The following DPP6 variants were observed in gnomAD, a reference collection of about 807,000 sequenced individuals.
DPP6 encodes the protein dipeptidyl peptidase like 6.
DPP6 carries 69 observed loss-of-function variants against 122.6 expected under a neutral mutation model. The ratio of observed to expected loss-of-function variants is 0.56; its 90% CI spans 0.46 to 0.69. DPP6 has a LOEUF of 0.69. Ranked by LOEUF, DPP6 falls within the 30% of genes least tolerant of loss-of-function variation. The pLI is 0.00. For missense variants in DPP6, 928 were observed against 1,116.9 expected (o/e 0.83, Z 2.41); for synonymous variants, 418 against 433.1 (o/e 0.97, Z 0.43).
chr7:154,887,547 C>G (rs1468322218), intron 22 of DPP6, 129 bp from the exon 23 acceptor site: 1 of 876,408 alleles, frequency 1.1e-6, no homozygotes, highest in Non-Finnish European at 1.9e-6. Flanking sequence ...ATCTGCCACA[C>G]AAGTGGCAAG....
At chr7:154,545,488 C>CT (rs1195528281) in intron 4 of DPP6, among the ~76,000 whole-genome samples, 1 of 139,522 alleles carries the variant, frequency 7.2e-6, no homozygotes, top group Non-Finnish European at 1.6e-5. Context: ...TCCTTCCTTC[C>CT]TTCCTTCCAT....
At chr7:153,784,186 A>G in the DPP6 span, among the ~76,000 whole-genome samples, 3 of 152,362 alleles carry the variant, frequency 2.0e-5, no homozygotes, top group South Asian at 6.2e-4. Flanking sequence ...ATCAACAAAC[A>G]TAATAAATGT....
chr7:154,516,380 G>T lies in DPP6; in HGVS notation c.458-24152G>T, dbSNP rs999357333. ...ACCATGCTTAGCCACGCAGGAAGGC[G>T]CTGAGGAACCGTGCTACTGAAAGGA... On this transcript the variant is annotated intron_variant, in intron 3 of 25. Transcript: ENST00000377770. Among the ~76,000 whole-genome samples, 13 of 152,258 alleles carry T rather than the reference G, an allele frequency of 8.5e-5. 1 individual carries two copies. The South Asian group carries it at 1.5e-3, about 17-fold the overall frequency.
chr7:154,526,156 G>A (rs1048813174), intron 3 of DPP6, among the ~76,000 whole-genome samples: 1 of 152,142 alleles, frequency 6.6e-6, no homozygotes, highest in Non-Finnish European at 1.5e-5. Context: ...TGACATTTGG[G>A]TTATGCTGGA....
In DPP6 at chr7:154,760,157, C is replaced by T. The variant is rs780452109; in HGVS notation, c.884-9260C>T. On this transcript the variant is annotated intron_variant, in intron 8 of 25. Coordinates refer to ENST00000377770, the MANE Select transcript of DPP6 (RefSeq NM_130797.4). The surrounding 1 kb of genome is among the most constrained non-coding windows in gnomAD (Gnocchi z 4.5). ...AAAAGTCTATTCCCAAGGAGACAGG[C>T]ATCCAGCTCAACTCTGCCTCCCTGT... Among the ~76,000 whole-genome samples the T allele has an allele frequency of 4.3e-4, 66 of 152,132 alleles. No individual in the cohort carries two copies. The highest frequency in any genetic ancestry group is 7.8e-4 in the Non-Finnish European group (53 of 68,020).
intron 6 of DPP6, among the ~76,000 whole-genome samples, chr7:154,646,499 C>A (rs1251717162): frequency 1.3e-5 from 2 of 152,174 alleles, no homozygotes; most frequent in Non-Finnish European, 2.9e-5. Context: ...CTTCAAGCCA[C>A]AGCGTCAAAA....
At chr7:154,253,208 A>T (rs1188763310) in intron 1 of DPP6, among the ~76,000 whole-genome samples, 1 of 151,808 alleles carries the variant, frequency 6.6e-6, no homozygotes, top group East Asian at 2.0e-4. Context: ...GTTGACTGTG[A>T]AAAGAAAAGA....
intron 8 of DPP6, among the ~76,000 whole-genome samples, chr7:154,758,738 T>TTTTGTTTG (rs10680805): frequency 7.2e-5 from 11 of 151,968 alleles, no homozygotes; most frequent in African/African-American, 1.4e-4. Flanking sequence ...AACTGCAGGT[T>TTTTGTTTG]TTTGTTTGTT....
chr7:153,857,812 A>C, the DPP6 span, among the ~76,000 whole-genome samples: 1 of 152,234 alleles, frequency 6.6e-6, no homozygotes, highest in Non-Finnish European at 1.5e-5. Context: ...GCATAGTGCT[A>C]AAACCTCTTT....
intron 1 of DPP6, chr7:153,887,862 C>A: frequency 9.5e-7 from 1 of 1,050,398 alleles, no homozygotes; most frequent in African/African-American, 1.6e-5. Context: ...CCGCGCGCGG[C>A]GGCGCTTCTC....
At chr7:154,060,252 CGG>C (rs1801527165) in intron 1 of DPP6, among the ~76,000 whole-genome samples, 1 of 100,228 alleles carries the variant, frequency 1.0e-5, no homozygotes, top group Non-Finnish European at 2.0e-5. Context: ...TCGCTGGGGG[CGG>C]AGGCACCCCC....
rs1193862481 is a variant in DPP6 at position 153,918,462 on chromosome 7, ACACACTCT to A, written c.51+30730_51+30737del. Reference sequence around the variant, plus strand: ...CACACACACACACACACACACACACACACACTCTCTCTCTCTCTCTCTCTCTCTTTTTC... The same window carrying A: ...CACACACACACACACACACACACACACTCTCTCTCTCTCTCTCTCTTTTTC... On this transcript the variant is annotated intron_variant, in intron 1 of 25. Transcript: ENST00000404039. Among the ~76,000 whole-genome samples the A allele has an allele frequency of 9.5e-3, 764 of 80,210 alleles. 13 individuals carry two copies. The highest frequency in any genetic ancestry group is 0.027 in the African/African-American group (581 of 21,564). 52.6% of individuals were successfully genotyped at this position (80,210 alleles called of 152,430 possible).
intron 1 of DPP6, among the ~76,000 whole-genome samples, chr7:154,185,892 CA>C (rs1314796433): frequency 1.3e-5 from 2 of 152,132 alleles, no homozygotes; most frequent in African/African-American, 2.4e-5. Context: ...AATGCCTTTC[CA>C]AATTAAAGCA....
intron 1 of DPP6, among the ~76,000 whole-genome samples, chr7:154,272,745 A>G (rs572849832): frequency 5.9e-5 from 9 of 152,270 alleles, no homozygotes; most frequent in Admixed American, 4.6e-4. Flanking sequence ...GAGGAGGTGG[A>G]GACATGGTCA....
chr7:153,838,244 T>G, the DPP6 span, among the ~76,000 whole-genome samples: 621 of 152,218 alleles, frequency 4.1e-3, 2 homozygotes, highest in Non-Finnish European at 6.2e-3. Context: ...AGCAGTTGAC[T>G]GTTGAGTCAA....
At chr7:154,158,480 TCTC>T (rs974604452) in intron 1 of DPP6, among the ~76,000 whole-genome samples, 3 of 146,404 alleles carry the variant, frequency 2.0e-5, no homozygotes, top group Non-Finnish European at 4.5e-5. Context: ...AAAAAAAAAA[TCTC>T]CTAAATTTCT....
chr7:154,869,209 C>T (rs1433241438), intron 18 of DPP6, among the ~76,000 whole-genome samples: 1 of 152,186 alleles, frequency 6.6e-6, no homozygotes, highest in African/African-American at 2.4e-5. Context: ...TTCCCTGACA[C>T]GAGACAGCAG....
At chr7:153,928,375 C>T (rs1291875907) in intron 1 of DPP6, among the ~76,000 whole-genome samples, 1 of 97,674 alleles carries the variant, frequency 1.0e-5, no homozygotes, top group Non-Finnish European at 2.2e-5. Flanking sequence ...CCATACCTGG[C>T]TAATTTTTTT....
intron 1 of DPP6, among the ~76,000 whole-genome samples, chr7:154,394,258 T>G (rs1814881367): frequency 6.6e-6 from 1 of 152,052 alleles, no homozygotes; most frequent in Admixed American, 6.5e-5. Context: ...ATTTTCTGTT[T>G]GTTTGTTTGT....
Sources: allele counts gnomAD v4.1 joint callset (sites outside exome capture counted in the v4.1 genomes callset), GRCh38; gene constraint gnomAD v4.1.1; non-coding constraint Gnocchi (gnomAD v3.1); transcripts MANE v1.5; gene names NCBI Gene and HGNC (gene_info 2026-07-23, HGNC 2026-07-21).